The following HYAL4 variants were observed in gnomAD, a reference collection of about 807,000 sequenced individuals.
HYAL4 encodes hyaluronidase-4.
Under a neutral mutation model 35.2 loss-of-function variants are expected in HYAL4, and 37 were observed. That is an observed-to-expected ratio of 1.05 (90% CI 0.81 to 1.38). The LOEUF (loss-of-function observed/expected upper bound fraction) is 1.38. HYAL4 is among the 40% of genes most tolerant of loss of function. The pLI, the probability that HYAL4 is intolerant of heterozygous loss-of-function variation, is 0.00. For missense variants in HYAL4, 572 were observed against 572.4 expected (o/e 1.00, Z 0.01); for synonymous variants, 198 against 203.2 (o/e 0.97, Z 0.22).
At chr7:123,764,057 A>C in the HYAL4 span, among the ~76,000 whole-genome samples, 1 of 152,218 alleles carries the variant, frequency 6.6e-6, no homozygotes, top group African/African-American at 2.4e-5. Flanking sequence ...ATCATGGCTC[A>C]TGCAGCCTTG....
At chr7:123,803,198 A>T in the HYAL4 span, among the ~76,000 whole-genome samples, 1 of 152,204 alleles carries the variant, frequency 6.6e-6, no homozygotes, top group African/African-American at 2.4e-5. Flanking sequence ...CTGAGATAGG[A>T]GGATTGATTG....
In HYAL4 at chr7:123,868,903, A is replaced by T. The variant is rs763046255; in HGVS notation, c.630A>T (p.Arg210=). 5.0e-6 allele frequency: 8 copies of T among 1,614,200 alleles called. No homozygotes were observed. Among genetic ancestry groups the T allele is most frequent in the Middle Eastern group, 1.6e-4 (1 of 6,062 alleles). The change falls in exon 3 of 5, where the codon CGA becomes CGT. Residue 210 remains arginine (R), a synonymous_variant. Transcript: ENST00000223026. The part of the protein sequence containing the change: ...KETIKLGIKS[R]PKGLWGYYLY... ...CCATCAAATTGGGAATTAAGAGCCG[A>T]CCCAAAGGCCTTTGGGGTTATTATT...
chr7:123,799,128 A>G, the HYAL4 span, among the ~76,000 whole-genome samples: 10 of 152,340 alleles, frequency 6.6e-5, no homozygotes, highest in Middle Eastern at 3.4e-3. Context: ...TTCACTGTAT[A>G]TATCAGTAGA....
chr7:123,817,418 C>T, the HYAL4 span, among the ~76,000 whole-genome samples: 5 of 151,994 alleles, frequency 3.3e-5, no homozygotes, highest in African/African-American at 4.8e-5. Context: ...TTTGTTGAGG[C>T]ATCATCATTT....
At chr7:123,859,589 T>C (rs1192520095) in intron 2 of HYAL4, among the ~76,000 whole-genome samples, 2 of 152,176 alleles carry the variant, frequency 1.3e-5, no homozygotes, top group Non-Finnish European at 2.9e-5. Context: ...TCTTATTTCC[T>C]GAAAAGGGAT....
chr7:123,871,799 A>T (rs922547798), intron 3 of HYAL4, among the ~76,000 whole-genome samples: 1 of 152,172 alleles, frequency 6.6e-6, no homozygotes, highest in African/African-American at 2.4e-5. Flanking sequence ...CCTATGTGAT[A>T]TGGCTATTAC....
intron 3 of HYAL4, among the ~76,000 whole-genome samples, chr7:123,870,098 A>C (rs1276485154): frequency 6.6e-6 from 1 of 152,236 alleles, no homozygotes; most frequent in African/African-American, 2.4e-5. Flanking sequence ...GTATTGCTGG[A>C]TACCAGTGGT....
chr7:123,821,703 T>C, the HYAL4 span, among the ~76,000 whole-genome samples: 1 of 152,194 alleles, frequency 6.6e-6, no homozygotes, highest in Non-Finnish European at 1.5e-5. Flanking sequence ...GTGTCATGTC[T>C]AAGGAATAAT....
intron 2 of HYAL4, 34 bp from the exon 3 acceptor site, chr7:123,868,189 A>G: frequency 1.6e-6 from 1 of 624,952 alleles, no homozygotes; most frequent in Non-Finnish European, 2.6e-6. Flanking sequence ...TTTCCTCAAA[A>G]CTATGACTAA....
At chr7:123,806,568 TA>T in the HYAL4 span, among the ~76,000 whole-genome samples, 1 of 151,736 alleles carries the variant, frequency 6.6e-6, no homozygotes, top group Non-Finnish European at 1.5e-5. Flanking sequence ...CTCAGCCTCC[TA>T]AGTAGCTGGG....
upstream of HYAL4, among the ~76,000 whole-genome samples, chr7:123,841,552 G>A (rs2116916443): frequency 6.6e-6 from 1 of 152,134 alleles, no homozygotes; most frequent in South Asian, 2.1e-4. Flanking sequence ...GTTTGGAATA[G>A]TTTCAGAAGG....
the HYAL4 span, among the ~76,000 whole-genome samples, chr7:123,816,114 A>G: frequency 6.6e-6 from 1 of 152,200 alleles, no homozygotes; most frequent in East Asian, 1.9e-4. Context: ...ACACTTTTTG[A>G]TGGGGGCACT....
intron 2 of HYAL4, among the ~76,000 whole-genome samples, chr7:123,857,354 C>T (rs1806464699): frequency 6.6e-6 from 1 of 152,118 alleles, no homozygotes; most frequent in Non-Finnish European, 1.5e-5. Context: ...TTGCGAAGAC[C>T]ATGGGAAAAG....
upstream of HYAL4, among the ~76,000 whole-genome samples, chr7:123,844,084 T>C (rs907239571): frequency 6.6e-6 from 1 of 152,028 alleles, no homozygotes; most frequent in Admixed American, 6.5e-5. Flanking sequence ...GGCATTCTGA[T>C]TTTTAGAATT....
At chr7:123,816,296 G>A in the HYAL4 span, among the ~76,000 whole-genome samples, 1 of 152,076 alleles carries the variant, frequency 6.6e-6, no homozygotes, top group African/African-American at 2.4e-5. Context: ...AGTTGTCCAG[G>A]TATTTTAGGA....
At chr7:123,801,637 T>C in the HYAL4 span, among the ~76,000 whole-genome samples, 1 of 152,254 alleles carries the variant, frequency 6.6e-6, no homozygotes, top group Non-Finnish European at 1.5e-5. Flanking sequence ...TTATTTGATT[T>C]CATCAATTTT....
At chr7:123,826,400 G>T (rs1805803324), upstream of HYAL4, among the ~76,000 whole-genome samples, 1 of 152,262 alleles carries the variant, frequency 6.6e-6, no homozygotes, top group African/African-American at 2.4e-5. Context: ...ACACAGTGCT[G>T]TATAGCTGAA....
At chr7:123,812,833 G>T in the HYAL4 span, among the ~76,000 whole-genome samples, 2 of 152,024 alleles carry the variant, frequency 1.3e-5, no homozygotes, top group African/African-American at 4.8e-5. Context: ...GTGGGGGAGT[G>T]GGAGTCAAAT....
chr7:123,786,749 T>TCTATCTATCTAG, the HYAL4 span, among the ~76,000 whole-genome samples: 70 of 151,800 alleles, frequency 4.6e-4, no homozygotes, highest in African/African-American at 1.6e-3. Context: ...TATCTATCTA[T>TCTATCTATCTAG]CTATCTTTCA....
Sources: allele counts gnomAD v4.1 joint callset (sites outside exome capture counted in the v4.1 genomes callset), GRCh38; gene constraint gnomAD v4.1.1; transcripts MANE v1.5; gene names NCBI Gene and HGNC (gene_info 2026-07-23, HGNC 2026-07-21).